Variants in SVOP observed in about 807,000 individuals in gnomAD.
SVOP encodes SV2 related protein.
Under a neutral mutation model 69.1 loss-of-function variants are expected in SVOP, and 17 were observed. That is an observed-to-expected ratio of 0.25 (90% CI 0.17 to 0.37). The LOEUF is 0.37. Ranked by LOEUF, SVOP falls within the 10% of genes least tolerant of loss-of-function variation. The pLI, the probability that SVOP is intolerant of heterozygous loss-of-function variation, is 1.00. For missense variants in SVOP, 435 were observed against 597.5 expected (o/e 0.73, Z 2.84); for synonymous variants, 238 against 238.6 (o/e 1.00, Z 0.02).
intron 11 of SVOP, among the ~76,000 whole-genome samples, chr12:108,929,725 C>T (rs1037088527): frequency 3.9e-5 from 6 of 152,198 alleles, no homozygotes; most frequent in Non-Finnish European, 7.3e-5. Flanking sequence ...ACTTTGAATA[C>T]TTGCGTATAC....
intron 1 of SVOP, among the ~76,000 whole-genome samples, chr12:108,986,845 A>G (rs1036012270): frequency 6.6e-6 from 1 of 152,068 alleles, no homozygotes; most frequent in Non-Finnish European, 1.5e-5. Context: ...GGTGGAGACT[A>G]TTATTATCCC....
intron 5 of SVOP, among the ~76,000 whole-genome samples, chr12:108,968,552 A>G (rs2040059730): frequency 6.6e-6 from 1 of 152,198 alleles, no homozygotes; most frequent in Non-Finnish European, 1.5e-5. Context: ...TTTCAGCCCT[A>G]GATGGGGAGT....
chr12:109,007,124 G>T (rs142705804), intron 1 of SVOP, among the ~76,000 whole-genome samples: 2,252 of 152,254 alleles, frequency 0.015, 86 homozygotes, highest in Admixed American at 0.069. Context: ...CCAGTGGAAG[G>T]CAGGGTTGCA....
intron 1 of SVOP, among the ~76,000 whole-genome samples, chr12:108,992,445 G>A (rs529450494): frequency 6.6e-6 from 1 of 152,224 alleles, no homozygotes; most frequent in Admixed American, 6.5e-5. Flanking sequence ...GGAGGCTGAG[G>A]TGGGAGGGTC....
chr12:108,964,896 A>G (rs1593192998), intron 5 of SVOP, among the ~76,000 whole-genome samples: 1 of 152,138 alleles, frequency 6.6e-6, no homozygotes, highest in East Asian at 1.9e-4. Context: ...TTATGCATTC[A>G]TTAATTTGCT....
intron 1 of SVOP, among the ~76,000 whole-genome samples, chr12:109,011,026 T>A (rs1318616027): frequency 1.3e-5 from 2 of 152,210 alleles, no homozygotes; most frequent in African/African-American, 4.8e-5. Flanking sequence ...GCGATTCTCA[T>A]GCCTCAGCCT....
At chr12:109,014,431 T>C (rs1467889216) in intron 1 of SVOP, among the ~76,000 whole-genome samples, 1 of 152,226 alleles carries the variant, frequency 6.6e-6, no homozygotes, top group Non-Finnish European at 1.5e-5. Flanking sequence ...TGGAATATTA[T>C]TCATCCATTC....
chr12:108,917,874 G>A (rs936957100), intron 14 of SVOP, among the ~76,000 whole-genome samples, 169 bp downstream of exon 14: 1 of 151,808 alleles, frequency 6.6e-6, no homozygotes, highest in African/African-American at 2.4e-5. Context: ...TCAAACATCC[G>A]GGCTCAAGTG....
Position 108,912,653 on chromosome 12 carries a change from A to G in SVOP, c.1529T>C (p.Ile510Thr). ...LAALASCFLPIETKGRGLQES... is the reference protein window; with the variant it reads ...LAALASCFLPTETKGRGLQES... ...CTGCAGTCCTCGGCCTTTGGTCTCA[A>G]TGGGCAAAAAGCAGGAGGCCAGGGC... Residue 510 changes from isoleucine (I) to threonine (T), a missense_variant, in exon 16 of 16, where the codon ATT (isoleucine) becomes ACT (threonine). By Grantham distance (89) the Ile-to-Thr change is moderately conservative (BLOSUM62 -1). Transcript: ENST00000610966. The G allele has an allele frequency of 1.2e-6, 2 of 1,613,946 alleles. No individual in the cohort carries two copies. Among genetic ancestry groups the G allele is most frequent in the South Asian group, 1.1e-5 (1 of 91,074 alleles).
intron 5 of SVOP, among the ~76,000 whole-genome samples, chr12:108,966,918 C>T (rs372954121): frequency 2.4e-4 from 36 of 150,416 alleles, no homozygotes; most frequent in African/African-American, 5.2e-4. Flanking sequence ...TTGCCATTTA[C>T]GGACACCACA....
intron 1 of SVOP, among the ~76,000 whole-genome samples, chr12:108,984,752 C>T (rs2040158503): frequency 1.3e-5 from 2 of 152,192 alleles, no homozygotes; most frequent in African/African-American, 4.8e-5. Flanking sequence ...TACCTGTCTC[C>T]TTCCAACTTT....
At chr12:108,938,142 A>G (rs1238842485) in intron 9 of SVOP, among the ~76,000 whole-genome samples, 1 of 152,282 alleles carries the variant, frequency 6.6e-6, no homozygotes, top group Non-Finnish European at 1.5e-5. Flanking sequence ...TTCTTCTTGC[A>G]TAATATAAAA....
At chr12:108,934,993 T>C (rs1234730429) in intron 10 of SVOP, among the ~76,000 whole-genome samples, 2 of 152,220 alleles carry the variant, frequency 1.3e-5, no homozygotes, top group African/African-American at 4.8e-5. Flanking sequence ...GAATTATTTC[T>C]TGCATGAAAT....
rs181503193 is a variant in SVOP at position 108,995,762 on chromosome 12, G to A, written c.36-12001C>T. ...CTGAAAATACAAAAATTAGCCGGGC[G>A]TGTTGGGTCATGCCTGTAATCCAGC... is the stretch of plus-strand genomic sequence containing the variant. On this transcript the variant is annotated intron_variant, in intron 1 of 15. Transcript: ENST00000610966. Among the ~76,000 whole-genome samples, 36 of 151,866 alleles carry A rather than the reference G, an allele frequency of 2.4e-4. No individual in the cohort carries two copies. In the South Asian group the frequency reaches 5.4e-3, roughly 23 times the overall value.
At position 108,937,236 on chromosome 12, in the gene SVOP, G is replaced by C. The variant is rs370122889; in HGVS notation, c.971+28C>G. 8 of 1,612,410 alleles carry C rather than the reference G, an allele frequency of 5.0e-6. No individual in the cohort carries two copies. In the African/African-American group the frequency reaches 8.0e-5, roughly 16 times the overall value. On this transcript the variant is annotated intron_variant, in intron 10 of 15. Coordinates refer to ENST00000610966, the MANE Select transcript of SVOP (RefSeq NM_018711.5). ...AACAGGGCACAGGGAGTGGAAAGGG[G>C]TCAAAGTGGTCAACAAACAGCTCTT...
chr12:108,987,399 G>T (rs1265502704), intron 1 of SVOP, among the ~76,000 whole-genome samples: 3 of 152,196 alleles, frequency 2.0e-5, no homozygotes, highest in Non-Finnish European at 4.4e-5. Context: ...ATGCTGTAAT[G>T]AACATGAGTG....
chr12:108,972,383 T>G, intron 5 of SVOP, 22 bp downstream of exon 5: 1 of 1,536,774 alleles, frequency 6.5e-7, no homozygotes, highest in African/African-American at 1.4e-5. Context: ...GACATGCGTT[T>G]AGAAGAGTAA....
rs2039886333 is a variant in SVOP at position 108,940,775 on chromosome 12, G to C, written c.768+9C>G. The C allele has an allele frequency of 6.5e-7, 1 of 1,536,862 alleles. No individual in the cohort carries two copies. On this transcript the variant is annotated intron_variant, in intron 8 of 15. Transcript: ENST00000610966. ...CAGCAAAAGGTGAAATCTCTTAAAG[G>C]ATACCTACGAAACACAGCACGGCAA...
chr12:108,967,975 A>G lies in SVOP; in HGVS notation c.453+4430T>C, dbSNP rs192383225. ...TGAAGATGTCTATATGGGAACGCCA[A>G]GTGAATTACTGCCCCTAGTGGCAGA... On this transcript the variant is annotated intron_variant, in intron 5 of 15. Transcript: ENST00000610966. 2.5e-3 allele frequency among the ~76,000 whole-genome samples: 374 copies of G among 152,308 alleles called. 3 individuals are homozygous for G. Among genetic ancestry groups the G allele is most frequent in the East Asian group, 2.1e-3 (11 of 5,188 alleles).
Sources: allele counts gnomAD v4.1 joint callset (sites outside exome capture counted in the v4.1 genomes callset), GRCh38; gene constraint gnomAD v4.1.1; transcripts MANE v1.5; gene names NCBI Gene and HGNC (gene_info 2026-07-23, HGNC 2026-07-21).